Variants in MYMX observed in about 807,000 individuals in gnomAD.
The protein encoded by MYMX is protein myomixer.
At chr6:44,209,037 C>CA in the MYMX span, among the ~76,000 whole-genome samples, 1 of 152,242 alleles carries the variant, frequency 6.6e-6, no homozygotes, top group East Asian at 1.9e-4. Context: ...GATCTCAGCT[C>CA]ACTGCAACCT....
the MYMX span, among the ~76,000 whole-genome samples, chr6:44,211,180 A>T: frequency 6.6e-6 from 1 of 152,226 alleles, no homozygotes; most frequent in Non-Finnish European, 1.5e-5. Context: ...TAGATTTGTC[A>T]TTCTATGAAT....
the MYMX span, among the ~76,000 whole-genome samples, chr6:44,203,176 A>G: frequency 3.3e-4 from 51 of 152,300 alleles, no homozygotes; most frequent in African/African-American, 1.1e-3. Context: ...GACTCTCTCC[A>G]GCTGTCTGTG....
the MYMX span, among the ~76,000 whole-genome samples, chr6:44,193,753 C>G: frequency 1.3e-4 from 20 of 152,310 alleles, no homozygotes; most frequent in Admixed American, 1.1e-3. Flanking sequence ...GAGGCCAAGG[C>G]TGGTGGATCA....
At chr6:44,194,905 T>C in the MYMX span, among the ~76,000 whole-genome samples, 1 of 152,156 alleles carries the variant, frequency 6.6e-6, no homozygotes, top group Non-Finnish European at 1.5e-5. Flanking sequence ...AGAATAATAA[T>C]AAAATACAGA....
the MYMX span, among the ~76,000 whole-genome samples, chr6:44,197,949 G>A: frequency 1.3e-5 from 2 of 151,950 alleles, no homozygotes; most frequent in Non-Finnish European, 2.9e-5. Context: ...TATATGGACT[G>A]CAAATATCTC....
At chr6:44,204,654 G>A in the MYMX span, among the ~76,000 whole-genome samples, 1 of 152,112 alleles carries the variant, frequency 6.6e-6, no homozygotes, top group Non-Finnish European at 1.5e-5. Context: ...TGAGAGACTT[G>A]TATCTTACAT....
the MYMX span, among the ~76,000 whole-genome samples, chr6:44,195,897 AT>A: frequency 2.6e-5 from 4 of 151,732 alleles, no homozygotes; most frequent in South Asian, 2.1e-4. Context: ...GTTGTTTCTA[AT>A]TTTTTTTGTT....
chr6:44,202,691 G>C, the MYMX span, among the ~76,000 whole-genome samples: 8 of 152,096 alleles, frequency 5.3e-5, no homozygotes, highest in Admixed American at 3.3e-4. Flanking sequence ...CAAGGGAGGT[G>C]GGGTGGAGCT....
chr6:44,193,897 T>C, the MYMX span, among the ~76,000 whole-genome samples: 1 of 152,008 alleles, frequency 6.6e-6, no homozygotes, highest in Non-Finnish European at 1.5e-5. Context: ...GGCAAGAGAA[T>C]CACTTGAACC....
chr6:44,209,051 T>C, the MYMX span, among the ~76,000 whole-genome samples: 128,954 of 152,232 alleles, frequency 0.85, 54,891 homozygotes, highest in African/African-American at 0.91. Context: ...GCAACCTCCG[T>C]CTCCAGGGCT....
At chr6:44,212,872 A>C (rs1010846263), upstream of MYMX, among the ~76,000 whole-genome samples, 8 of 151,606 alleles carry the variant, frequency 5.3e-5, no homozygotes, top group Non-Finnish European at 7.4e-5. Flanking sequence ...AAAAAAAAAA[A>C]AAAACAAAAC....
At chr6:44,196,480 A>T in the MYMX span, among the ~76,000 whole-genome samples, 1 of 151,658 alleles carries the variant, frequency 6.6e-6, no homozygotes, top group African/African-American at 2.4e-5. Context: ...GGAGTTTGAG[A>T]CCAGCCTGGC....
intron 1 of MYMX, 62 bp from the exon 2 acceptor site, chr6:44,217,388 T>A: frequency 2.5e-6 from 1 of 398,402 alleles, no homozygotes; most frequent in Non-Finnish European, 4.4e-6. Context: ...GCCCACCCCA[T>A]GTCCTTGCCA....
the MYMX span, among the ~76,000 whole-genome samples, chr6:44,198,154 C>CT: frequency 0.09 from 7,189 of 79,850 alleles, 1,275 homozygotes; most frequent in African/African-American, 0.11. Flanking sequence ...CCAAATTCCT[C>CT]TTTTTTTTTT....
the MYMX span, among the ~76,000 whole-genome samples, chr6:44,206,893 A>C: frequency 1.3e-5 from 2 of 152,066 alleles, no homozygotes; most frequent in Admixed American, 6.6e-5. Flanking sequence ...AAGTGACAGG[A>C]GTATTCTCTC....
chr6:44,206,386 C>A, the MYMX span, among the ~76,000 whole-genome samples: 11 of 151,998 alleles, frequency 7.2e-5, no homozygotes, highest in South Asian at 2.1e-4. Context: ...CCCGCCACAA[C>A]GTCCAGCTAA....
At chr6:44,213,371 AAAAAG>A (rs973595930), upstream of MYMX, among the ~76,000 whole-genome samples, 49 of 151,200 alleles carry the variant, frequency 3.2e-4, 1 homozygote, top group Admixed American at 1.1e-3. Flanking sequence ...GGGCAACAAA[AAAAAG>A]AAAAGAAAAG....
At chr6:44,193,114 A>T in the MYMX span, among the ~76,000 whole-genome samples, 1 of 152,132 alleles carries the variant, frequency 6.6e-6, no homozygotes, top group South Asian at 2.1e-4. Flanking sequence ...TCTGAACTTC[A>T]GTTTACTCAT....
the MYMX span, among the ~76,000 whole-genome samples, chr6:44,211,147 G>C: frequency 6.6e-6 from 1 of 152,122 alleles, no homozygotes; most frequent in South Asian, 2.1e-4. Context: ...CATACTTCTA[G>C]AAATTATAAA....
Sources: allele counts gnomAD v4.1 joint callset (sites outside exome capture counted in the v4.1 genomes callset), GRCh38; gene constraint gnomAD v4.1.1; transcripts MANE v1.5; gene names NCBI Gene and HGNC (gene_info 2026-07-23, HGNC 2026-07-21).